Variants in RALGAPA2 observed in about 807,000 individuals in gnomAD.
RALGAPA2 encodes the protein ral GTPase-activating protein subunit alpha-2.
In RALGAPA2, 139 loss-of-function variants were observed where a neutral mutation model predicts 230.4. The observed-to-expected ratio is 0.60, with a 90% CI of 0.53 to 0.69. The LOEUF is 0.69. Ranked by LOEUF, RALGAPA2 falls within the 30% of genes least tolerant of loss-of-function variation. RALGAPA2 has a pLI of 0.00. For synonymous variants in RALGAPA2, 847 were observed against 837.8 expected (o/e 1.01, Z -0.19); for missense variants, 2,163 against 2,276.0 (o/e 0.95, Z 1.01).
chr20:20,591,524 T>TATTTTATTCTTTTATTTTTCAATC (rs1257971681), intron 16 of RALGAPA2, among the ~76,000 whole-genome samples: 2 of 152,294 alleles, frequency 1.3e-5, no homozygotes, highest in Admixed American at 6.5e-5. Flanking sequence ...TTAAGTTCTA[T>TATTTTATTCTTTTATTTTTCAATC]AAAGCCTTTT....
chr20:20,511,353 A>G (rs1227276260), intron 32 of RALGAPA2, 28 bp from the exon 33 acceptor site: 1 of 1,535,578 alleles, frequency 6.5e-7, no homozygotes, highest in Non-Finnish European at 8.7e-7. Context: ...TGGAAGAAAA[A>G]CCATGTGATT....
chr20:20,609,264 G>A (rs1019041610), intron 14 of RALGAPA2, among the ~76,000 whole-genome samples: 2 of 152,152 alleles, frequency 1.3e-5, no homozygotes, highest in Non-Finnish European at 2.9e-5. Context: ...CTCCCAAAGT[G>A]CTGGGATTAC....
chr20:20,520,821 C>T, intron 31 of RALGAPA2, 96 bp downstream of exon 31: 3 of 1,099,202 alleles, frequency 2.7e-6, no homozygotes, highest in Non-Finnish European at 2.5e-6. Flanking sequence ...ATTTCAACTT[C>T]AACAACTAGA....
In RALGAPA2 at chr20:20,513,080, A is replaced by T; in HGVS notation, c.4289T>A (p.Val1430Glu). Reference protein sequence around the residue: ...VFRSPNLQLFVFNDSTLISYL... With the variant: ...VFRSPNLQLFEFNDSTLISYL... ...GGAGATGAGGGTGCTATCATTAAAT[A>T]CAAACAGCTGCAGGTTTGGACTTCT... The change falls in exon 32 of 40, where the codon GTA becomes GAA. Residue 1430 changes from valine to glutamate, a missense_variant. Transcript: ENST00000202677. 1 of 1,605,886 alleles carries T rather than the reference A, an allele frequency of 6.2e-7. No homozygotes were observed. The highest frequency in any genetic ancestry group is 8.5e-7 in the Non-Finnish European group (1 of 1,176,622).
At chr20:20,698,853 G>A (rs973488300) in intron 1 of RALGAPA2, among the ~76,000 whole-genome samples, 7 of 152,226 alleles carry the variant, frequency 4.6e-5, no homozygotes, top group African/African-American at 1.7e-4. Context: ...TCATTGATCT[G>A]TATTAACAAA....
At chr20:20,564,186 C>T (rs536040788) in intron 23 of RALGAPA2, among the ~76,000 whole-genome samples, 1 of 152,226 alleles carries the variant, frequency 6.6e-6, no homozygotes, top group East Asian at 1.9e-4. Flanking sequence ...GATTCATGAC[C>T]ATATATTATT....
At chr20:20,648,942 G>C (rs1255498101) in intron 4 of RALGAPA2, among the ~76,000 whole-genome samples, 2 of 152,174 alleles carry the variant, frequency 1.3e-5, no homozygotes, top group Non-Finnish European at 2.9e-5. Context: ...TCAGGGAGGT[G>C]AAAGAAAGAG....
In RALGAPA2 at chr20:20,520,910, T is replaced by G. The variant is rs765056125; in HGVS notation, c.4084+7A>C. On this transcript the variant is annotated splice_region_variant and intron_variant, in intron 31 of 39. Transcript: ENST00000202677. ...CCACAAGATTTCATACCTGAAAGAA[T>G]ACTCACCCTCTTCAACAGTCAGCAG... The G allele has an allele frequency of 6.3e-7, 1 of 1,585,184 alleles. No individual in the cohort carries two copies. Among genetic ancestry groups the G allele is most frequent in the Non-Finnish European group, 8.6e-7 (1 of 1,158,802 alleles).
At chr20:20,512,123 G>A (rs1182047768) in intron 32 of RALGAPA2, among the ~76,000 whole-genome samples, 1 of 151,968 alleles carries the variant, frequency 6.6e-6, no homozygotes, top group Non-Finnish European at 1.5e-5. Flanking sequence ...AGGAGGCGGA[G>A]GTTGCCGTGA....
At chr20:20,424,665 G>A (rs755438643) in intron 37 of RALGAPA2, among the ~76,000 whole-genome samples, 3 of 152,110 alleles carry the variant, frequency 2.0e-5, no homozygotes, top group African/African-American at 4.8e-5. Flanking sequence ...ACAACAAAAC[G>A]GAAAATAATT....
At chr20:20,623,094 AAAGT>A (rs1254962398) in intron 10 of RALGAPA2, among the ~76,000 whole-genome samples, 2 of 152,222 alleles carry the variant, frequency 1.3e-5, no homozygotes, top group African/African-American at 4.8e-5. Flanking sequence ...ATACAACTAG[AAAGT>A]AAGAAGACAG....
chr20:20,525,150 C>T (rs1055719783), intron 28 of RALGAPA2, among the ~76,000 whole-genome samples: 9 of 152,206 alleles, frequency 5.9e-5, no homozygotes, highest in Non-Finnish European at 8.8e-5. Context: ...AAGAGTATTT[C>T]TCTCTGCAGT....
chr20:20,575,398 TGA>T (rs1377829098), intron 20 of RALGAPA2, among the ~76,000 whole-genome samples: 1 of 151,802 alleles, frequency 6.6e-6, no homozygotes, highest in Non-Finnish European at 1.5e-5. Context: ...ATATGTATGT[TGA>T]GTTTGTTTTT....
rs200890334 is a variant in RALGAPA2, at chr20:20,503,395, A to C, written c.5164T>G (p.Ser1722Ala). ...TSTVEVIFHV[S>A]TRMPSDSDDS... The stretch of plus-strand genomic sequence containing the variant: ...TCTGAGTCTGACGGCATTCGAGTGG[A>C]AACATGGAAAATCACTTCCACAGTT... Residue 1722 changes from serine (S) to alanine (A), a missense_variant, in exon 35 of 40, where the codon TCC becomes GCC. By Grantham distance (99) the Ser-to-Ala change is moderately conservative. Coordinates refer to ENST00000202677, the MANE Select transcript of RALGAPA2 (RefSeq NM_020343.4). The C allele has an allele frequency of 6.9e-6, 11 of 1,605,564 alleles. No homozygotes were observed. The African/African-American group carries it at 1.5e-4, about 22-fold the overall frequency.
At chr20:20,618,776 C>T (rs936838712) in intron 12 of RALGAPA2, among the ~76,000 whole-genome samples, 1 of 152,144 alleles carries the variant, frequency 6.6e-6, no homozygotes, top group Non-Finnish European at 1.5e-5. Flanking sequence ...AAGTAATGTT[C>T]CAAAGTTGCT....
chr20:20,589,477 T>G, intron 17 of RALGAPA2, 112 bp from the exon 18 acceptor site: 1 of 1,194,710 alleles, frequency 8.4e-7, no homozygotes, highest in Non-Finnish European at 1.2e-6. Context: ...TTCTAAGGTA[T>G]GTAAAAACAG....
At position 20,535,800 on chromosome 20, in the gene RALGAPA2, A is replaced by G; in HGVS notation, c.3418T>C (p.Tyr1140His). The change falls in exon 26 of 40, where the codon TAC (tyrosine) becomes CAC (histidine). Residue 1140 changes from tyrosine to histidine, a missense_variant. Transcript: ENST00000202677. ...TTCTTCAGTAAAATATTTATGAGGTAATGCTAAAAACACAAAATTAAGTAA... is the reference window on the plus strand; with the variant it reads ...TTCTTCAGTAAAATATTTATGAGGTGATGCTAAAAACACAAAATTAAGTAA... ...AITGTEDVKH[Y>H]LINILLKNAT... 1 of 1,546,370 alleles carries G rather than the reference A, an allele frequency of 6.5e-7. No homozygotes were observed. Among genetic ancestry groups the G allele is most frequent in the Non-Finnish European group, 8.7e-7 (1 of 1,144,536 alleles).
chr20:20,413,698 G>GT (rs2060109826), intron 37 of RALGAPA2, among the ~76,000 whole-genome samples: 1 of 152,182 alleles, frequency 6.6e-6, no homozygotes, highest in South Asian at 2.1e-4. Context: ...GAATTTCTCC[G>GT]TAAGTTTGTT....
At chr20:20,616,768 G>A (rs984817107) in intron 12 of RALGAPA2, among the ~76,000 whole-genome samples, 2 of 152,154 alleles carry the variant, frequency 1.3e-5, no homozygotes, top group Non-Finnish European at 2.9e-5. Context: ...CCTTCCAGGA[G>A]GCTATTTTTT....
Sources: gnomAD v4.1 joint callset for allele counts (sites outside exome capture counted in the v4.1 genomes callset) on GRCh38, gnomAD v4.1.1 for gene constraint, MANE v1.5 for transcripts, NCBI Gene and HGNC (gene_info 2026-07-23, HGNC 2026-07-21) for gene names.